JAK1: variants seen among roughly 807,000 people sequenced by gnomAD.
JAK1 encodes Janus kinase 1, also known as tyrosine-protein kinase JAK1.
JAK1 carries 16 observed loss-of-function variants against 136.6 expected under a neutral mutation model. The ratio of observed to expected loss-of-function variants is 0.12; its 90% CI spans 0.08 to 0.18. JAK1 has a LOEUF of 0.18. Ranked by LOEUF, JAK1 falls within the 10% of genes least tolerant of loss-of-function variation. The pLI, the probability that JAK1 is intolerant of heterozygous loss-of-function variation, is 1.00. For missense variants in JAK1, 859 were observed against 1,450.1 expected (o/e 0.59, Z 6.62); for synonymous variants, 492 against 519.5 (o/e 0.95, Z 0.72).
rs749432244 is a variant in JAK1, at chr1:64,838,027, G to T, written c.3045C>A (p.His1015Gln). 2 of 1,614,152 alleles carry T rather than the reference G, an allele frequency of 1.2e-6. No individual in the cohort carries two copies. Among genetic ancestry groups the T allele is most frequent in the South Asian group, 1.1e-5 (1 of 91,076 alleles). The change falls in exon 22 of 25, where the codon CAC (histidine) becomes CAA (glutamine). Residue 1015 changes from histidine (H) to glutamine (Q), a missense_variant. This residue lies in a region of JAK1 where 44 missense variants were observed against 137.6 expected (regional missense o/e 0.32). Coordinates refer to ENST00000342505, the MANE Select transcript of JAK1 (RefSeq NM_002227.4). ...AARNVLVESE[H>Q]QVKIGDFGLT... ...AACCGAAGTCTCCAATTTTCACTTG[G>T]TGTTCACTCTCAACAAGGACATTTC...
chr1:64,954,943 GATCA>G (rs1646156327), intron 1 of JAK1, among the ~76,000 whole-genome samples: 1 of 152,090 alleles, frequency 6.6e-6, no homozygotes, highest in Non-Finnish European at 1.5e-5. Flanking sequence ...TGAGGAGAGA[GATCA>G]ATAACTTGCC....
chr1:65,024,116 T>A (rs74548503), intron 2 of JAK1, among the ~76,000 whole-genome samples: 158 of 152,260 alleles, frequency 1.0e-3, no homozygotes, highest in African/African-American at 3.7e-3. Context: ...TTTCCATGTT[T>A]TGGGGGTATA....
At chr1:64,843,396 C>G (rs1655031112) in intron 17 of JAK1, among the ~76,000 whole-genome samples, 1 of 152,166 alleles carries the variant, frequency 6.6e-6, no homozygotes, top group Non-Finnish European at 1.5e-5. Context: ...AGAGTCTCCA[C>G]TTTTTCCACA....
At chr1:64,880,739 C>G (rs956393112) in intron 3 of JAK1, among the ~76,000 whole-genome samples, 1 of 152,142 alleles carries the variant, frequency 6.6e-6, no homozygotes, top group Non-Finnish European at 1.5e-5. Flanking sequence ...GAGGCCCAGG[C>G]AGGCAGATCG....
chr1:65,036,049 C>T (rs1647070099), intron 2 of JAK1, among the ~76,000 whole-genome samples: 1 of 152,048 alleles, frequency 6.6e-6, no homozygotes, highest in Admixed American at 6.6e-5. Context: ...GCCTGGGTGA[C>T]AGAGACTCTC....
At chr1:64,939,901 T>C (rs1249957768) in intron 1 of JAK1, among the ~76,000 whole-genome samples, 1 of 152,192 alleles carries the variant, frequency 6.6e-6, no homozygotes, top group Non-Finnish European at 1.5e-5. Context: ...AGGATGCAAA[T>C]ATACTCCTGT....
At position 64,887,021 on chromosome 1, in the gene JAK1, G is replaced by C. The variant is rs550460960; in HGVS notation, c.-77-680C>G. On this transcript the variant is annotated intron_variant, in intron 1 of 24. Transcript: ENST00000342505. ...CAGGCATTACAGGGCAGCAGCGAAG[G>C]GGGAGAGGGAGATGGGTTACCTCTG... Among the ~76,000 whole-genome samples the C allele has an allele frequency of 3.2e-4, 49 of 152,296 alleles. No homozygotes were observed. The South Asian group carries it at 9.8e-3, about 30-fold the overall frequency.
At chr1:64,848,018 G>A (rs1313436693) in intron 12 of JAK1, 1 of 213,814 alleles carries the variant, frequency 4.7e-6, no homozygotes, top group Non-Finnish European at 9.2e-6. Flanking sequence ...TCCCACCCCA[G>A]GCCTCCAGAG....
chr1:64,975,459 A>G (rs979392732), intron 2 of JAK1, among the ~76,000 whole-genome samples: 2 of 152,186 alleles, frequency 1.3e-5, no homozygotes, highest in Non-Finnish European at 2.9e-5. Context: ...CCACCTCTGC[A>G]TGCATGCTCA....
intron 1 of JAK1, among the ~76,000 whole-genome samples, chr1:64,913,711 G>GGAAGGAAA (rs1422579904): frequency 1.0e-5 from 1 of 99,038 alleles, no homozygotes; most frequent in Non-Finnish European, 2.1e-5. Flanking sequence ...AAAGAAGGGA[G>GGAAGGAAA]GGAGGGAGGG....
chr1:64,981,205 G>A (rs950815875), intron 2 of JAK1, among the ~76,000 whole-genome samples: 5 of 152,188 alleles, frequency 3.3e-5, no homozygotes, highest in African/African-American at 4.8e-5. Context: ...AGAAAGTACA[G>A]GAAATGAGTC....
rs11208572 is a variant in JAK1, at chr1:65,040,406, C to T, written c.-78+4074G>A. Among the ~76,000 whole-genome samples the T allele has an allele frequency of 1.3e-3, 191 of 152,166 alleles. 4 individuals are homozygous for T. The East Asian group carries it at 0.032, about 25-fold the overall frequency. On this transcript the variant is annotated intron_variant, in intron 2 of 25. Transcript: ENST00000671954. ...TGTGCTTCTGTCATCACATCTTCTC[C>T]GACTCTCCTGCTTCCCACTTGTAAG...
chr1:65,030,983 A>G lies in JAK1; in HGVS notation c.-78+13497T>C, dbSNP rs1221114438. ...CCCCTAGACAACACGGCAACACCCC[A>G]TCTCTACAAAAAATACAACAGCTAG... is the stretch of plus-strand genomic sequence containing the variant. On this transcript the variant is annotated intron_variant, in intron 2 of 25. Coordinates refer to the JAK1 transcript ENST00000671954. 2.6e-5 allele frequency among the ~76,000 whole-genome samples: 4 copies of G among 151,940 alleles called. No individual in the cohort carries two copies. The South Asian group carries it at 8.3e-4, about 32-fold the overall frequency.
intron 2 of JAK1, chr1:64,991,760 AC>A (rs1646658979): frequency 6.6e-6 from 1 of 152,258 alleles, no homozygotes; most frequent in Non-Finnish European, 1.5e-5. Flanking sequence ...AAATCAACAC[AC>A]AAAAATCAGT....
At position 64,965,675 on chromosome 1, in the gene JAK1, T is replaced by C. The variant is rs1375440139; in HGVS notation, c.-78+658A>G. 2.0e-5 allele frequency among the ~76,000 whole-genome samples: 3 copies of C among 152,140 alleles called. No homozygotes were observed. The East Asian group carries it at 5.8e-4, about 29-fold the overall frequency. On this transcript the variant is annotated intron_variant, in intron 1 of 24. Transcript: ENST00000342505. ...AATTCCCCGGGTAGTTCTCTCCCAC[T>C]GTTCCCCTTCCCTGGTCCTCTCGCC...
At chr1:64,917,352 A>C (rs1645416325) in intron 1 of JAK1, among the ~76,000 whole-genome samples, 1 of 152,188 alleles carries the variant, frequency 6.6e-6, no homozygotes, top group Non-Finnish European at 1.5e-5. Flanking sequence ...AGATCTCAAA[A>C]AACAAACTGC....
At chr1:64,924,599 C>G (rs552181245) in intron 1 of JAK1, among the ~76,000 whole-genome samples, 2 of 152,148 alleles carry the variant, frequency 1.3e-5, no homozygotes, top group Non-Finnish European at 2.9e-5. Context: ...CTATGTGTGG[C>G]TCCTAAGCAG....
At chr1:65,045,715 T>C (rs965182871) in intron 1 of JAK1, among the ~76,000 whole-genome samples, 2 of 152,226 alleles carry the variant, frequency 1.3e-5, no homozygotes, top group African/African-American at 4.8e-5. Context: ...TTCCTTTCTC[T>C]TTCCCCTCTT....
chr1:64,834,401 A>G lies in JAK1; in HGVS notation c.*161T>C, dbSNP rs983167588. ...GAAGTCCTTACACATATTAAGCACT[A>G]CAGTGTGCCTTATACATGTATATGT... On this transcript the variant is annotated 3_prime_UTR_variant, in exon 25 of 25. Transcript: ENST00000342505. 19 of 567,612 alleles carry G rather than the reference A, an allele frequency of 3.3e-5. No homozygotes were observed. In the Middle Eastern group the frequency reaches 3.2e-3, roughly 96 times the overall value. The allele number at this position is 567,612 out of a possible 1,614,324, so 35.2% of individuals were successfully genotyped here. A position where few individuals can be genotyped will look rare whatever the true frequency, so the allele number is the denominator to read the frequency against.
Sources: gnomAD v4.1 joint callset for allele counts (sites outside exome capture counted in the v4.1 genomes callset) on GRCh38, gnomAD v4.1.1 for gene constraint, gnomAD v4.1.1 regional missense constraint, MANE v1.5 for transcripts, NCBI Gene and HGNC (gene_info 2026-07-23, HGNC 2026-07-21) for gene names.